PDE3A: variants seen among roughly 807,000 people sequenced by gnomAD.
PDE3A encodes cGMP-inhibited 3',5'-cyclic phosphodiesterase 3A.
A neutral mutation model predicts 98.3 loss-of-function variants in PDE3A; 43 were observed. The ratio of observed to expected loss-of-function variants is 0.44; its 90% CI spans 0.34 to 0.56. The LOEUF is 0.56. Among genes scored for constraint, PDE3A ranks in the 20% least tolerant of loss-of-function variants. The pLI is 0.01. For synonymous variants in PDE3A, 663 were observed against 567.9 expected, an observed-to-expected ratio of 1.17 and a Z score of -2.38; for missense variants, 1,427 against 1,440.7, an observed-to-expected ratio of 0.99 and a Z score of 0.15.
At chr12:20,448,103 C>G (rs1049293182) in intron 1 of PDE3A, among the ~76,000 whole-genome samples, 1 of 152,080 alleles carries the variant, frequency 6.6e-6, no homozygotes, top group Non-Finnish European at 1.5e-5. Context: ...CAGCGAGGAG[C>G]CCATTAACCA....
chr12:20,667,399 A>T (rs1945342766), intron 15 of PDE3A, among the ~76,000 whole-genome samples: 2 of 152,082 alleles, frequency 1.3e-5, no homozygotes, highest in African/African-American at 2.4e-5. Context: ...TAACAGTTTT[A>T]TAGTTTTTGG....
At chr12:20,659,471 T>C in intron 15 of PDE3A, among the ~76,000 whole-genome samples, 1 of 152,304 alleles carries the variant, frequency 6.6e-6, no homozygotes, top group East Asian at 1.9e-4. Flanking sequence ...TTAAGACTTT[T>C]CTTTTTTTTC....
chr12:20,462,709 T>G (rs1270340639), intron 1 of PDE3A, among the ~76,000 whole-genome samples: 2 of 152,188 alleles, frequency 1.3e-5, no homozygotes, highest in South Asian at 4.1e-4. Flanking sequence ...TCTAAACATT[T>G]ACTTCAAGCT....
chr12:20,401,056 AGATGGCCAAAACATCACTG>A (rs1460455670), intron 1 of PDE3A, among the ~76,000 whole-genome samples: 2 of 152,198 alleles, frequency 1.3e-5, no homozygotes, highest in Non-Finnish European at 1.5e-5. Flanking sequence ...CTGTTACACT[AGATGGCCAAAACATCACTG>A]GAACTTACAG....
chr12:20,374,584 T>C (rs1250487699), intron 1 of PDE3A, among the ~76,000 whole-genome samples: 2 of 151,990 alleles, frequency 1.3e-5, no homozygotes, highest in African/African-American at 2.4e-5. Flanking sequence ...GAATTTGTTG[T>C]AGTCTATTAG....
intron 1 of PDE3A, among the ~76,000 whole-genome samples, chr12:20,444,490 T>A (rs1944921641): frequency 6.6e-6 from 1 of 152,226 alleles, no homozygotes; most frequent in African/African-American, 2.4e-5. Flanking sequence ...GCATAGTCAA[T>A]CAGATAAACT....
At chr12:20,553,033 G>C (rs1942258845) in intron 1 of PDE3A, 2 of 1,458,430 alleles carry the variant, frequency 1.4e-6, no homozygotes, top group Admixed American at 3.9e-5. Context: ...TTCTCGACAG[G>C]CGTTTTGCTG....
intron 1 of PDE3A, among the ~76,000 whole-genome samples, chr12:20,479,173 T>C (rs773275346): frequency 6.6e-6 from 1 of 152,244 alleles, no homozygotes; most frequent in Non-Finnish European, 1.5e-5. Context: ...ATATTCATCC[T>C]TGTTGAAAAG....
chr12:20,398,988 T>TC (rs1215474348), intron 1 of PDE3A, among the ~76,000 whole-genome samples: 1 of 152,138 alleles, frequency 6.6e-6, no homozygotes, highest in Non-Finnish European at 1.5e-5. Flanking sequence ...TCCCTCTTCC[T>TC]CCCAGCCCCT....
intron 1 of PDE3A, among the ~76,000 whole-genome samples, chr12:20,447,157 C>T (rs1944970807): frequency 1.3e-5 from 2 of 152,206 alleles, no homozygotes; most frequent in Non-Finnish European, 2.9e-5. Context: ...AAGCCTCTCT[C>T]TTGCAAGCCA....
chr12:20,504,443 A>G (rs1946078959), intron 1 of PDE3A, among the ~76,000 whole-genome samples: 1 of 152,142 alleles, frequency 6.6e-6, no homozygotes, highest in Non-Finnish European at 1.5e-5. Context: ...TGTATTAGTT[A>G]TCTATTGCTG....
intron 1 of PDE3A, among the ~76,000 whole-genome samples, chr12:20,383,219 A>C (rs1319354655): frequency 1.3e-5 from 2 of 151,916 alleles, no homozygotes; most frequent in Admixed American, 1.3e-4. Context: ...TTGTGCTTTA[A>C]ATTTGACTTG....
chr12:20,671,865 G>A (rs1945492318), intron 15 of PDE3A, among the ~76,000 whole-genome samples: 1 of 147,720 alleles, frequency 6.8e-6, no homozygotes, highest in African/African-American at 2.5e-5. Context: ...TTAGGCAGGA[G>A]AAGGAAATAA....
intron 1 of PDE3A, among the ~76,000 whole-genome samples, chr12:20,410,615 TTTG>T (rs371765303): frequency 2.6e-5 from 4 of 152,198 alleles, no homozygotes; most frequent in East Asian, 3.9e-4. Flanking sequence ...TGATGTTTGT[TTTG>T]TTGTTGTTGT....
chr12:20,419,158 C>T (rs919696100), intron 1 of PDE3A, among the ~76,000 whole-genome samples: 6 of 152,158 alleles, frequency 3.9e-5, no homozygotes, highest in African/African-American at 1.2e-4. Flanking sequence ...TTTTAAAAAT[C>T]TTAGAGCAGT....
At chr12:20,518,568 A>T (rs1425028169) in intron 1 of PDE3A, among the ~76,000 whole-genome samples, 3 of 658 alleles carry the variant, frequency 4.6e-3, no homozygotes, top group East Asian at 0.17. Context: ...TCTGTCATTA[A>T]AAAAAAAGCC....
At chr12:20,597,384 T>G (rs964248088) in intron 2 of PDE3A, among the ~76,000 whole-genome samples, 1 of 152,182 alleles carries the variant, frequency 6.6e-6, no homozygotes, top group African/African-American at 2.4e-5. Flanking sequence ...CTATGAGACT[T>G]ATAGGGGCTC....
At chr12:20,370,362 C>A in intron 1 of PDE3A, 118 bp downstream of exon 1, 2 of 725,238 alleles carry the variant, frequency 2.8e-6, no homozygotes, top group Non-Finnish European at 3.9e-6. Flanking sequence ...GAAAACTGGT[C>A]TAACTTCAGA....
At chr12:20,394,580 C>A (rs1943974267) in intron 1 of PDE3A, among the ~76,000 whole-genome samples, 1 of 152,028 alleles carries the variant, frequency 6.6e-6, no homozygotes, top group Non-Finnish European at 1.5e-5. Flanking sequence ...AAATAGCTAT[C>A]AGAGAAGCAT....
Sources: allele counts gnomAD v4.1 joint callset (sites outside exome capture counted in the v4.1 genomes callset), GRCh38; gene constraint gnomAD v4.1.1; transcripts MANE v1.5; gene names NCBI Gene and HGNC (gene_info 2026-07-23, HGNC 2026-07-21).